The following ABCC4 variants were observed in gnomAD, a reference collection of about 807,000 sequenced individuals.
ABCC4 encodes ATP binding cassette subfamily C member 4 (PEL blood group).
Under a neutral mutation model 168.5 loss-of-function variants are expected in ABCC4, and 102 were observed. The observed-to-expected ratio is 0.61, with a 90% CI of 0.52 to 0.71. The LOEUF (loss-of-function observed/expected upper bound fraction) is 0.71, where lower values mean the gene tolerates loss of function less well. Ranked by LOEUF, ABCC4 falls within the 30% of genes least tolerant of loss-of-function variation. The pLI is 0.00. For synonymous variants in ABCC4, 617 were observed against 590.7 expected (o/e 1.04, Z -0.65); for missense variants, 1,402 against 1,605.8 (o/e 0.87, Z 2.17).
chr13:95,277,242 G>A lies in ABCC4; in HGVS notation c.74+23999C>T, dbSNP rs145322456. On this transcript the variant is annotated intron_variant, in intron 1 of 30. Coordinates refer to ENST00000645237, the MANE Select transcript of ABCC4 (RefSeq NM_005845.5). ...ACATTGGGGAAGGGAGAGGGGAGAG[G>A]GAAAGGCAATCACACTAAAAAGAGG... Among the ~76,000 whole-genome samples the A allele has an allele frequency of 7.9e-5, 12 of 151,988 alleles. No individual in the cohort carries two copies. In the East Asian group the frequency reaches 2.1e-3, roughly 27 times the overall value.
At chr13:95,091,159 C>G (rs1164736715) in intron 20 of ABCC4, among the ~76,000 whole-genome samples, 1 of 151,978 alleles carries the variant, frequency 6.6e-6, no homozygotes, top group Non-Finnish European at 1.5e-5. Flanking sequence ...GTTAAACGAC[C>G]AAGCCTAAGA....
At chr13:95,048,607 T>G (rs992406107) in intron 27 of ABCC4, among the ~76,000 whole-genome samples, 1 of 152,024 alleles carries the variant, frequency 6.6e-6, no homozygotes, top group Admixed American at 6.6e-5. Flanking sequence ...AAAATGGAGG[T>G]GCAAGGTGTG....
intron 4 of ABCC4, among the ~76,000 whole-genome samples, chr13:95,232,938 T>C (rs755912086): frequency 4.6e-5 from 7 of 152,158 alleles, no homozygotes; most frequent in African/African-American, 9.7e-5. Flanking sequence ...ACTGCCCTAA[T>C]GGGAAAGAAA....
chr13:95,272,588 C>A lies in ABCC4; in HGVS notation c.75-24835G>T, dbSNP rs2040872381. 5.9e-5 allele frequency among the ~76,000 whole-genome samples: 9 copies of A among 152,082 alleles called. No homozygotes were observed. The South Asian group carries it at 1.9e-3, about 32-fold the overall frequency. ...CAAGGCCACAGATTGATTTTAGCAT[C>A]TAGTACTAAACATGTGGGGCCGGGC... On this transcript the variant is annotated intron_variant, in intron 1 of 30. Coordinates refer to ENST00000645237, the MANE Select transcript of ABCC4 (RefSeq NM_005845.5).
At chr13:95,032,073 C>A (rs1016141087) in intron 30 of ABCC4, among the ~76,000 whole-genome samples, 1 of 152,080 alleles carries the variant, frequency 6.6e-6, no homozygotes, top group Non-Finnish European at 1.5e-5. Context: ...CTGGGAGACA[C>A]GCTAGAAGAT....
intron 1 of ABCC4, among the ~76,000 whole-genome samples, chr13:95,270,816 C>T (rs2040827918): frequency 6.6e-6 from 1 of 152,228 alleles, no homozygotes. Flanking sequence ...GCCAAATGGG[C>T]CGGGCACGGT....
intron 1 of ABCC4, among the ~76,000 whole-genome samples, chr13:95,263,988 G>C (rs1224901189): frequency 6.6e-6 from 1 of 152,076 alleles, no homozygotes; most frequent in Non-Finnish European, 1.5e-5. Flanking sequence ...CTATCTTTTT[G>C]TGCCACAAAA....
In ABCC4 at chr13:95,276,745, G is replaced by A. The variant is rs547276891; in HGVS notation, c.74+24496C>T. On this transcript the variant is annotated intron_variant, in intron 1 of 30. Transcript: ENST00000645237. ...AAAGGATACAACCCACGGGCCAGCC[G>A]CAGTGGCTCACGCCTGTAATCCCAA... 5.3e-5 allele frequency among the ~76,000 whole-genome samples: 8 copies of A among 152,234 alleles called. No individual in the cohort carries two copies. In the East Asian group the frequency reaches 7.8e-4, roughly 15 times the overall value.
chr13:95,273,297 A>G (rs1190747770), intron 1 of ABCC4, among the ~76,000 whole-genome samples: 2 of 152,166 alleles, frequency 1.3e-5, no homozygotes, highest in Admixed American at 1.3e-4. Context: ...ACAACGTCAG[A>G]GTGAGGTTCA....
intron 30 of ABCC4, among the ~76,000 whole-genome samples, chr13:95,026,300 T>C (rs908587056): frequency 6.6e-6 from 1 of 151,964 alleles, no homozygotes. Context: ...AGCACAAAGA[T>C]TAGCCAATGC....
intron 3 of ABCC4, among the ~76,000 whole-genome samples, chr13:95,235,184 C>A (rs1415901028): frequency 6.6e-6 from 1 of 152,142 alleles, no homozygotes; most frequent in Non-Finnish European, 1.5e-5. Flanking sequence ...AGCCACGGCA[C>A]CTAGGCTCGT....
chr13:95,027,206 A>G (rs937614441), intron 30 of ABCC4, among the ~76,000 whole-genome samples: 2 of 152,158 alleles, frequency 1.3e-5, no homozygotes, highest in Non-Finnish European at 2.9e-5. Flanking sequence ...CAGGGATTCT[A>G]AATTCCAAGG....
chr13:95,033,881 C>G (rs12855261), intron 30 of ABCC4, among the ~76,000 whole-genome samples: 14,188 of 152,132 alleles, frequency 0.093, 760 homozygotes, highest in East Asian at 0.27. Flanking sequence ...AGGCTGGTCT[C>G]AGACTCCCAA....
chr13:95,280,090 G>A (rs1373595140), intron 1 of ABCC4, among the ~76,000 whole-genome samples: 3 of 152,202 alleles, frequency 2.0e-5, no homozygotes, highest in Admixed American at 1.3e-4. Context: ...CTGGGCTCCC[G>A]TTTTGCCCGT....
At chr13:95,136,911 C>T (rs1044128191) in intron 19 of ABCC4, among the ~76,000 whole-genome samples, 1 of 152,248 alleles carries the variant, frequency 6.6e-6, no homozygotes, top group African/African-American at 2.4e-5. Flanking sequence ...TCATCACATT[C>T]GTGCAGAAAG....
intron 22 of ABCC4, 95 bp from the exon 23 acceptor site, chr13:95,074,419 T>C (rs2033830778): frequency 3.1e-6 from 3 of 959,462 alleles, no homozygotes; most frequent in Admixed American, 5.0e-5. Flanking sequence ...TTACGTGGAG[T>C]AGGGCACCAA....
intron 21 of ABCC4, among the ~76,000 whole-genome samples, chr13:95,082,747 CTAAT>C (rs1440567879): frequency 6.6e-6 from 1 of 152,112 alleles, no homozygotes; most frequent in Non-Finnish European, 1.5e-5. Flanking sequence ...CTAAAATACC[CTAAT>C]TATTTTCCTT....
At chr13:95,029,463 G>T (rs915841163) in intron 30 of ABCC4, among the ~76,000 whole-genome samples, 3 of 151,806 alleles carry the variant, frequency 2.0e-5, no homozygotes, top group African/African-American at 7.3e-5. Flanking sequence ...GGAGAAGAAG[G>T]TGCCAGGGCT....
At chr13:95,179,200 G>A (rs957127919) in intron 11 of ABCC4, among the ~76,000 whole-genome samples, 6 of 152,244 alleles carry the variant, frequency 3.9e-5, no homozygotes, top group African/African-American at 7.2e-5. Context: ...GCCATTTTGC[G>A]ACTTTTGCCT....
Sources: allele counts gnomAD v4.1 joint callset (sites outside exome capture counted in the v4.1 genomes callset), GRCh38; gene constraint gnomAD v4.1.1; transcripts MANE v1.5; gene names NCBI Gene and HGNC (gene_info 2026-07-23, HGNC 2026-07-21).